The following BORCS5 variants were observed in gnomAD, a reference collection of about 807,000 sequenced individuals.
BORCS5 encodes BLOC-1 related complex subunit 5, also known as BLOC-1-related complex subunit 5.
BORCS5 carries 17 observed loss-of-function variants against 22.1 expected under a neutral mutation model. The ratio of observed to expected loss-of-function variants is 0.77; its 90% confidence interval spans 0.53 to 1.15. The LOEUF (loss-of-function observed/expected upper bound fraction) is 1.15. Ranked by LOEUF, BORCS5 falls within the 50% of genes most tolerant of loss-of-function variation. BORCS5 has a pLI of 0.00. For missense variants in BORCS5, 247 were observed against 253.2 expected (o/e 0.98, Z 0.17); for synonymous variants, 117 against 99.8 (o/e 1.17, Z -1.03).
intron 2 of BORCS5, among the ~76,000 whole-genome samples, chr12:12,393,227 C>CT (rs1463154011): frequency 6.6e-6 from 1 of 151,880 alleles, no homozygotes; most frequent in East Asian, 1.9e-4. Context: ...AGAGTGAGAC[C>CT]TTATCTCCAA....
intron 3 of BORCS5, among the ~76,000 whole-genome samples, chr12:12,447,017 T>C (rs1014309073): frequency 1.3e-5 from 2 of 152,202 alleles, no homozygotes; most frequent in African/African-American, 2.4e-5. Flanking sequence ...ATTACAGTGA[T>C]GGTTTCTTCC....
chr12:12,362,639 T>TTTG (rs1863314453), intron 2 of BORCS5, among the ~76,000 whole-genome samples: 1 of 135,158 alleles, frequency 7.4e-6, no homozygotes, highest in South Asian at 2.6e-4. Flanking sequence ...TACTCATCTT[T>TTTG]TTTTTTTTTT....
chr12:12,426,259 A>G (rs542825746), intron 2 of BORCS5, among the ~76,000 whole-genome samples: 1 of 152,376 alleles, frequency 6.6e-6, no homozygotes, highest in African/African-American at 2.4e-5. Flanking sequence ...TAGGAGACAG[A>G]GAATCGTGCT....
At chr12:12,389,651 A>G (rs1267519014) in intron 2 of BORCS5, among the ~76,000 whole-genome samples, 1 of 150,932 alleles carries the variant, frequency 6.6e-6, no homozygotes. Flanking sequence ...CGTTTTATGT[A>G]TTTATTTTTT....
intron 2 of BORCS5, among the ~76,000 whole-genome samples, chr12:12,373,295 G>A (rs548116548): frequency 6.6e-6 from 1 of 152,330 alleles, no homozygotes; most frequent in Admixed American, 6.5e-5. Flanking sequence ...AGAAATAAAT[G>A]TATGTTGTTT....
intron 2 of BORCS5, among the ~76,000 whole-genome samples, chr12:12,411,678 C>G (rs1941737470): frequency 6.6e-6 from 1 of 151,988 alleles, no homozygotes; most frequent in African/African-American, 2.4e-5. Context: ...AACATTGTTG[C>G]CCAATTCAGT....
Position 12,467,653 on chromosome 12 carries a change from T to G in BORCS5, c.*1877T>G, listed in dbSNP as rs937319511. ...CTCCCGGAAAGAATTCTAGTTAGTTTAATATTTTGATGGCATGTTGTGGTT... is the reference window on the plus strand; with the variant it reads ...CTCCCGGAAAGAATTCTAGTTAGTTGAATATTTTGATGGCATGTTGTGGTT... On this transcript the variant is annotated 3_prime_UTR_variant, in exon 4 of 4. Transcript: ENST00000314565. The G allele has an allele frequency of 2.0e-5, 3 of 152,260 alleles. No individual in the cohort carries two copies. Among genetic ancestry groups the G allele is most frequent in the Non-Finnish European group, 4.4e-5 (3 of 68,052 alleles). The allele number at this position is 152,260 out of a possible 1,614,324, so 9.4% of individuals were successfully genotyped here.
intron 3 of BORCS5, among the ~76,000 whole-genome samples, chr12:12,450,471 T>C (rs181333938): frequency 1.3e-5 from 2 of 152,386 alleles, no homozygotes; most frequent in Admixed American, 1.3e-4. Context: ...CTCTCAGTTT[T>C]TGTTTTGTAA....
At chr12:12,366,865 A>T (rs1863417382) in intron 2 of BORCS5, among the ~76,000 whole-genome samples, 1 of 152,228 alleles carries the variant, frequency 6.6e-6, no homozygotes, top group African/African-American at 2.4e-5. Context: ...CATTCTTTCC[A>T]ACCGATCTGT....
intron 2 of BORCS5, among the ~76,000 whole-genome samples, chr12:12,375,001 GCTTTT>G (rs1297561898): frequency 1.8e-4 from 28 of 151,596 alleles, no homozygotes; most frequent in Admixed American, 7.2e-4. Context: ...GGAATATACT[GCTTTT>G]CTTTTCTTTT....
At chr12:12,385,687 T>C (rs1273785185) in intron 2 of BORCS5, among the ~76,000 whole-genome samples, 1 of 151,144 alleles carries the variant, frequency 6.6e-6, no homozygotes, top group Admixed American at 6.6e-5. Flanking sequence ...TTTTTGTATT[T>C]TTAGTAGAGA....
At chr12:12,357,744 C>G (rs1863178036) in intron 1 of BORCS5, among the ~76,000 whole-genome samples, 1 of 152,218 alleles carries the variant, frequency 6.6e-6, no homozygotes, top group South Asian at 2.1e-4. Context: ...ATTTTCAAAA[C>G]AGCCGTTTCT....
intron 3 of BORCS5, among the ~76,000 whole-genome samples, chr12:12,455,098 G>T (rs912426726): frequency 3.9e-5 from 6 of 152,214 alleles, no homozygotes; most frequent in Non-Finnish European, 8.8e-5. Context: ...AGGATGAATT[G>T]TTACTTTTCC....
At chr12:12,369,308 A>G (rs1282536121) in intron 2 of BORCS5, among the ~76,000 whole-genome samples, 1 of 151,988 alleles carries the variant, frequency 6.6e-6, no homozygotes, top group Non-Finnish European at 1.5e-5. Context: ...TTATCGATTT[A>G]TGTCTTTATA....
chr12:12,440,279 G>T (rs2136131603), intron 3 of BORCS5, among the ~76,000 whole-genome samples: 1 of 152,324 alleles, frequency 6.6e-6, no homozygotes, highest in East Asian at 1.9e-4. Flanking sequence ...GAAGAACGGA[G>T]GTAATTTACT....
chr12:12,438,382 G>GAAAAAA lies in BORCS5; in HGVS notation c.360+2602_360+2603insAAAAAA, dbSNP rs1565915767. The stretch of plus-strand genomic sequence containing the variant: ...TCTCAAAAAAAAAAAAAAAAAAAAC[G>GAAAAAA]AAAAACAACAACAAAAACCTCTAAT... On this transcript the variant is annotated intron_variant, in intron 3 of 3. Transcript: ENST00000314565. Among the ~76,000 whole-genome samples the GAAAAAA allele has an allele frequency of 9.1e-4, 97 of 106,878 alleles. 5 individuals are homozygous for GAAAAAA. Among genetic ancestry groups the GAAAAAA allele is most frequent in the African/African-American group, 4.6e-3 (82 of 18,012 alleles). 70.1% of individuals were successfully genotyped at this position (106,878 alleles called of 152,430 possible).
intron 2 of BORCS5, among the ~76,000 whole-genome samples, chr12:12,416,067 T>A (rs918889871): frequency 6.6e-6 from 1 of 152,200 alleles, no homozygotes; most frequent in Non-Finnish European, 1.5e-5. Flanking sequence ...GTTCTGTGTT[T>A]CTAGGAATTT....
intron 2 of BORCS5, among the ~76,000 whole-genome samples, chr12:12,362,636 C>CTTTTTTTTTTTTTTTT (rs71436712): frequency 1.9e-4 from 11 of 57,586 alleles, no homozygotes; most frequent in African/African-American, 6.0e-4. Context: ...TGTTACTCAT[C>CTTTTTTTTTTTTTTTT]TTTTTTTTTT....
At chr12:12,417,115 C>A (rs1321334854) in intron 2 of BORCS5, among the ~76,000 whole-genome samples, 1 of 152,032 alleles carries the variant, frequency 6.6e-6, no homozygotes, top group Non-Finnish European at 1.5e-5. Context: ...ATAAATTTCC[C>A]CCTTAGCATT....
Sources: gnomAD v4.1 joint callset for allele counts (sites outside exome capture counted in the v4.1 genomes callset) on GRCh38, gnomAD v4.1.1 for gene constraint, MANE v1.5 for transcripts, NCBI Gene and HGNC (gene_info 2026-07-23, HGNC 2026-07-21) for gene names.